SLC35D4: variants seen among roughly 807,000 people sequenced by gnomAD.
SLC35D4 encodes solute carrier family 35 member D4.
chr18:23,253,672 G>A, the SLC35D4 span: 1 of 1,431,722 alleles, frequency 7.0e-7, no homozygotes, highest in South Asian at 1.2e-5. Flanking sequence ...GAGTTTTTCT[G>A]TCCACTGAAA....
the SLC35D4 span, among the ~76,000 whole-genome samples, chr18:23,292,263 C>T: frequency 6.6e-6 from 1 of 152,220 alleles, no homozygotes; most frequent in Non-Finnish European, 1.5e-5. Flanking sequence ...AGCTCCTCAC[C>T]TATCTGAACA....
At chr18:23,311,396 CTT>C in the SLC35D4 span, among the ~76,000 whole-genome samples, 118 of 146,508 alleles carry the variant, frequency 8.1e-4, no homozygotes, top group Middle Eastern at 3.5e-3. Context: ...CCTGGCCCTT[CTT>C]TTTTTTTTTT....
At chr18:23,305,134 C>T in the SLC35D4 span, among the ~76,000 whole-genome samples, 1 of 152,192 alleles carries the variant, frequency 6.6e-6, no homozygotes, top group African/African-American at 2.4e-5. Context: ...AAACCTATGA[C>T]AATGAGATTT....
chr18:23,346,153 A>C, the SLC35D4 span, among the ~76,000 whole-genome samples: 2 of 152,158 alleles, frequency 1.3e-5, no homozygotes, highest in African/African-American at 4.8e-5. Context: ...TATTTATTTA[A>C]GAGACAAAGT....
chr18:23,312,704 A>G, the SLC35D4 span, among the ~76,000 whole-genome samples: 1 of 152,086 alleles, frequency 6.6e-6, no homozygotes, highest in African/African-American at 2.4e-5. Context: ...CCTATTAATC[A>G]GTGATCTGTT....
chr18:23,365,681 C>G, the SLC35D4 span: 1 of 1,613,222 alleles, frequency 6.2e-7, no homozygotes, highest in African/African-American at 1.3e-5. Flanking sequence ...GGAAAAGAGA[C>G]AGCAAAGTAG....
the SLC35D4 span, among the ~76,000 whole-genome samples, chr18:23,333,340 T>C: frequency 6.6e-6 from 1 of 152,152 alleles, no homozygotes; most frequent in African/African-American, 2.4e-5. Flanking sequence ...TGGTTAACTG[T>C]TGGGGATAAA....
chr18:23,270,794 C>CA, the SLC35D4 span, among the ~76,000 whole-genome samples: 1 of 152,216 alleles, frequency 6.6e-6, no homozygotes, highest in Non-Finnish European at 1.5e-5. Context: ...CCAGTCTTGA[C>CA]AAATTGGTTC....
the SLC35D4 span, among the ~76,000 whole-genome samples, chr18:23,419,023 GA>G: frequency 2.4e-3 from 351 of 148,538 alleles, 1 homozygote; most frequent in African/African-American, 8.2e-3. Flanking sequence ...CCAAAAAAAA[GA>G]AAAAAAAAAT....
At chr18:23,317,182 C>A in the SLC35D4 span, among the ~76,000 whole-genome samples, 2 of 144,388 alleles carry the variant, frequency 1.4e-5, no homozygotes, top group South Asian at 4.4e-4. Context: ...CACACACACA[C>A]CCCACTAATA....
the SLC35D4 span, among the ~76,000 whole-genome samples, chr18:23,285,713 C>T: frequency 6.6e-6 from 1 of 152,116 alleles, no homozygotes; most frequent in Non-Finnish European, 1.5e-5. Flanking sequence ...CCCCTCCTCC[C>T]CAGGCTAAGT....
At chr18:23,356,762 C>A in the SLC35D4 span, 164 of 1,042,650 alleles carry the variant, frequency 1.6e-4, no homozygotes, top group Non-Finnish European at 2.3e-4. The surrounding 1 kb of genome is among the most constrained non-coding windows in gnomAD (Gnocchi z 4.1). Context: ...CTTTAGCAGT[C>A]CTGTGCTTTC....
At chr18:23,283,948 A>C in the SLC35D4 span, among the ~76,000 whole-genome samples, 82,401 of 151,634 alleles carry the variant, frequency 0.54, 23,256 homozygotes, top group African/African-American at 0.7. Flanking sequence ...TGAGTCTTTC[A>C]GGAAAGAGAT....
the SLC35D4 span, among the ~76,000 whole-genome samples, chr18:23,239,853 C>T: frequency 1.1e-4 from 17 of 152,304 alleles, no homozygotes; most frequent in African/African-American, 3.6e-4. Flanking sequence ...CATGGTGGCT[C>T]ACGCCTGTAA....
the SLC35D4 span, among the ~76,000 whole-genome samples, chr18:23,424,068 C>G: frequency 6.6e-6 from 1 of 152,076 alleles, no homozygotes; most frequent in African/African-American, 2.4e-5. Flanking sequence ...AGAAGCAAGA[C>G]TAGGGGTAAA....
At chr18:23,291,548 C>G in the SLC35D4 span, among the ~76,000 whole-genome samples, 12 of 152,218 alleles carry the variant, frequency 7.9e-5, no homozygotes, top group African/African-American at 1.4e-4. Context: ...TCTGGAGGAC[C>G]TGGATAGCCT....
chr18:23,398,460 G>A, the SLC35D4 span, among the ~76,000 whole-genome samples: 7,547 of 152,168 alleles, frequency 0.05, 293 homozygotes, highest in South Asian at 0.19. Flanking sequence ...AAACTGAGGC[G>A]GTAAGAGCCT....
At chr18:23,290,850 C>CT in the SLC35D4 span, among the ~76,000 whole-genome samples, 1 of 151,240 alleles carries the variant, frequency 6.6e-6, no homozygotes, top group Admixed American at 6.6e-5. Context: ...ATTGGCCAGG[C>CT]TGGTCTCGAA....
the SLC35D4 span, among the ~76,000 whole-genome samples, chr18:23,261,559 G>T: frequency 1.3e-5 from 2 of 152,210 alleles, no homozygotes; most frequent in Non-Finnish European, 2.9e-5. Context: ...GGAGGTCAAG[G>T]CTGCAGTGAT....
Sources: allele counts gnomAD v4.1 joint callset (sites outside exome capture counted in the v4.1 genomes callset), GRCh38; gene constraint gnomAD v4.1.1; non-coding constraint Gnocchi (gnomAD v3.1); transcripts MANE v1.5; gene names NCBI Gene and HGNC (gene_info 2026-07-23, HGNC 2026-07-21).